Variants in COG5 observed in about 807,000 individuals in gnomAD.
COG5 encodes the protein conserved oligomeric Golgi complex subunit 5.
A neutral mutation model predicts 110.4 loss-of-function variants in COG5; 86 were observed. That is an observed-to-expected ratio of 0.78 (90% CI 0.65 to 0.93). The LOEUF is 0.93. Among genes scored for constraint, COG5 ranks in the 40% least tolerant of loss-of-function variants. COG5 has a pLI of 0.00. For missense variants in COG5, 1,077 were observed against 987.0 expected (o/e 1.09, Z -1.22); for synonymous variants, 360 against 334.6 (o/e 1.08, Z -0.83).
At chr7:107,271,519 A>T (rs1288310839) in intron 14 of COG5, among the ~76,000 whole-genome samples, 2 of 152,110 alleles carry the variant, frequency 1.3e-5, no homozygotes, top group African/African-American at 4.8e-5. Flanking sequence ...AATTATTCCT[A>T]GAATTTGAAA....
At chr7:107,412,417 A>T in intron 7 of COG5, 85 bp downstream of exon 7, 1 of 1,260,048 alleles carries the variant, frequency 7.9e-7, no homozygotes, top group African/African-American at 1.5e-5. Context: ...TATAAGACAT[A>T]TATTACTTTT....
intron 6 of COG5, among the ~76,000 whole-genome samples, chr7:107,521,696 T>A (rs559058368): frequency 6.6e-6 from 1 of 152,316 alleles, no homozygotes; most frequent in East Asian, 1.9e-4. Context: ...GAATGTAAAT[T>A]AGTTCAACAG....
chr7:107,357,745 T>C (rs567239459), intron 10 of COG5, among the ~76,000 whole-genome samples: 1 of 152,292 alleles, frequency 6.6e-6, no homozygotes, highest in South Asian at 2.1e-4. Context: ...CTTAACTGAC[T>C]ATAACCTTGA....
In COG5 at chr7:107,261,681, T is replaced by C. The variant is rs573079928; in HGVS notation, c.1576-3298A>G. Among the ~76,000 whole-genome samples the C allele has an allele frequency of 1.3e-5, 2 of 152,230 alleles. 1 individual carries two copies. The highest frequency in any genetic ancestry group is 4.8e-5 in the African/African-American group (2 of 41,528). On this transcript the variant is annotated intron_variant, in intron 14 of 21. Coordinates refer to ENST00000297135, the MANE Select transcript of COG5 (RefSeq NM_006348.5). The stretch of plus-strand genomic sequence containing the variant: ...CTCTCGATTCCTTGTCCTCTTCTCC[T>C]TCAACAATCTTACTGTTTACTCCAA...
chr7:107,504,585 T>G (rs955318915), intron 6 of COG5, among the ~76,000 whole-genome samples: 1 of 152,230 alleles, frequency 6.6e-6, no homozygotes, highest in African/African-American at 2.4e-5. Context: ...CCAGTTCATC[T>G]TTGAATATCT....
rs558899446 is a variant in COG5 at position 107,380,199 on chromosome 7, T to C, written c.670-7439A>G. Among the ~76,000 whole-genome samples the C allele has an allele frequency of 4.6e-5, 7 of 151,864 alleles. 1 individual carries two copies. Among genetic ancestry groups the C allele is most frequent in the African/African-American group, 1.4e-4 (6 of 41,430 alleles). Reference sequence around the variant, plus strand: ...GCAGTGTTTAGAGGGAAATTTCTCATAGGAGAAAGAGAGAAAGATCTAAAA... The same window carrying C: ...GCAGTGTTTAGAGGGAAATTTCTCACAGGAGAAAGAGAGAAAGATCTAAAA... On this transcript the variant is annotated intron_variant, in intron 7 of 21. Coordinates refer to ENST00000297135, the MANE Select transcript of COG5 (RefSeq NM_006348.5).
intron 6 of COG5, among the ~76,000 whole-genome samples, chr7:107,416,436 A>C (rs1792852148): frequency 6.6e-6 from 1 of 152,142 alleles, no homozygotes; most frequent in African/African-American, 2.4e-5. Context: ...GAGAAACATA[A>C]GACTAAATGA....
At position 107,435,546 on chromosome 7, in the gene COG5, G is replaced by C. The variant is rs111403774; in HGVS notation, c.539-22914C>G. On this transcript the variant is annotated intron_variant, in intron 6 of 21. Transcript: ENST00000297135. Reference sequence around the variant, plus strand: ...CAGGCACCTGCAATCCTAGCTATTTGGGAGGCTGAGGCACGAGAATTGCTT... The same window carrying C: ...CAGGCACCTGCAATCCTAGCTATTTCGGAGGCTGAGGCACGAGAATTGCTT... Among the ~76,000 whole-genome samples the C allele has an allele frequency of 6.6e-5, 10 of 152,140 alleles. 3 individuals are homozygous for C. The highest frequency in any genetic ancestry group is 2.4e-4 in the African/African-American group (10 of 41,502).
chr7:107,527,797 A>G (rs1800881479), intron 5 of COG5, among the ~76,000 whole-genome samples: 1 of 152,240 alleles, frequency 6.6e-6, no homozygotes, highest in African/African-American at 2.4e-5. Flanking sequence ...TCTCTAGGCC[A>G]GTGGTTCTCA....
chr7:107,474,886 G>A lies in COG5; in HGVS notation c.538+52351C>T. The A allele has an allele frequency of 6.2e-7, 1 of 1,613,200 alleles. No homozygotes were observed. The highest frequency in any genetic ancestry group is 8.5e-7 in the Non-Finnish European group (1 of 1,179,522). On this transcript the variant is annotated intron_variant, in intron 6 of 21. Transcript: ENST00000297135. This position sits in a 1 kb window ranked among gnomAD's most constrained non-coding sequence, Gnocchi z 5.7. Reference sequence around the variant, plus strand: ...GGCTACAGACATGTCACAAAGCAGTGGTGGGAGAAATGTAGTCTTTGGTGT... The same window carrying A: ...GGCTACAGACATGTCACAAAGCAGTAGTGGGAGAAATGTAGTCTTTGGTGT...
At chr7:107,314,863 T>C (rs1303220877) in intron 11 of COG5, among the ~76,000 whole-genome samples, 2 of 152,238 alleles carry the variant, frequency 1.3e-5, no homozygotes, top group Non-Finnish European at 2.9e-5. Flanking sequence ...ACTTGATAGC[T>C]AGATTTACTT....
At chr7:107,375,085 T>C (rs2129050997) in intron 7 of COG5, among the ~76,000 whole-genome samples, 1 of 152,176 alleles carries the variant, frequency 6.6e-6, no homozygotes, top group East Asian at 1.9e-4. Flanking sequence ...CAAAAATTTA[T>C]TCTGTTTTTG....
intron 6 of COG5, among the ~76,000 whole-genome samples, chr7:107,521,346 A>T (rs6955488): frequency 0.13 from 19,150 of 152,208 alleles, 1,509 homozygotes; most frequent in Non-Finnish European, 0.17. Context: ...CTATCATCAG[A>T]CTGAACAGGC....
chr7:107,224,112 G>C (rs1003877716), intron 19 of COG5, among the ~76,000 whole-genome samples: 2 of 152,090 alleles, frequency 1.3e-5, no homozygotes, highest in Non-Finnish European at 2.9e-5. Context: ...TAAGAATCCC[G>C]AAACCTCAGA....
chr7:107,507,965 G>A (rs1053297124), intron 6 of COG5, among the ~76,000 whole-genome samples: 16 of 152,318 alleles, frequency 1.1e-4, no homozygotes, highest in South Asian at 4.1e-4. Context: ...CGCAGAAGAC[G>A]GGTGATTTCT....
intron 18 of COG5, among the ~76,000 whole-genome samples, chr7:107,230,956 A>G (rs184931040): frequency 2.6e-5 from 4 of 152,230 alleles, no homozygotes; most frequent in East Asian, 3.8e-4. Flanking sequence ...GAAAAAGTTT[A>G]TATCATTTAT....
At chr7:107,413,090 C>A (rs1792429666) in intron 6 of COG5, among the ~76,000 whole-genome samples, 1 of 151,748 alleles carries the variant, frequency 6.6e-6, no homozygotes, top group Non-Finnish European at 1.5e-5. Flanking sequence ...GATTATAGTT[C>A]ACTATAGTCT....
At chr7:107,403,437 G>A (rs1791585022) in intron 7 of COG5, among the ~76,000 whole-genome samples, 1 of 150,362 alleles carries the variant, frequency 6.7e-6, no homozygotes, top group South Asian at 2.1e-4. Flanking sequence ...TGTGTAGAAT[G>A]TGCTGGTTTG....
intron 11 of COG5, among the ~76,000 whole-genome samples, chr7:107,303,941 GTTT>G (rs1011573317): frequency 6.6e-6 from 1 of 151,644 alleles, no homozygotes; most frequent in Admixed American, 6.6e-5. Flanking sequence ...GTGCAAACTT[GTTT>G]TTTTTAAATT....
Sources: gnomAD v4.1 joint callset for allele counts (sites outside exome capture counted in the v4.1 genomes callset) on GRCh38, gnomAD v4.1.1 for gene constraint, Gnocchi (gnomAD v3.1) non-coding constraint, MANE v1.5 for transcripts, NCBI Gene and HGNC (gene_info 2026-07-23, HGNC 2026-07-21) for gene names.